The following MYO5A variants were observed in gnomAD, a reference collection of about 807,000 sequenced individuals.
MYO5A encodes the protein myosin VA.
Under a neutral mutation model 249.7 loss-of-function variants are expected in MYO5A, and 98 were observed. The observed-to-expected ratio is 0.39, with a 90% CI of 0.33 to 0.46. The LOEUF (loss-of-function observed/expected upper bound fraction) is 0.46. Ranked by LOEUF, MYO5A falls within the 20% of genes least tolerant of loss-of-function variation. The probability of loss-of-function intolerance (pLI) is 0.98; values close to 1 mark genes in which losing one functional copy is unlikely to be tolerated. For synonymous variants in MYO5A, 778 were observed against 810.6 expected, an observed-to-expected ratio of 0.96 and a Z score of 0.68; for missense variants, 1,696 against 2,308.8, an observed-to-expected ratio of 0.73 and a Z score of 5.44.
intron 14 of MYO5A, among the ~76,000 whole-genome samples, chr15:52,384,622 TTAA>T (rs1312811345): frequency 6.6e-6 from 1 of 152,190 alleles, no homozygotes; most frequent in African/African-American, 2.4e-5. Flanking sequence ...TCTAAACATA[TTAA>T]TGGGCTTGAA....
chr15:52,416,435 C>G (rs2043490845), intron 4 of MYO5A, 134 bp from the exon 5 acceptor site: 1 of 851,024 alleles, frequency 1.2e-6, no homozygotes, highest in Middle Eastern at 3.4e-4. Flanking sequence ...CTTATAACAC[C>G]AAGGTCTCAG....
intron 30 of MYO5A, among the ~76,000 whole-genome samples, chr15:52,343,950 C>A (rs1423564239): frequency 3.3e-5 from 5 of 152,148 alleles, no homozygotes; most frequent in Admixed American, 3.3e-4. Context: ...ATTCTTTCCA[C>A]ATGTACTAAT....
At chr15:52,458,416 CA>C (rs936030616) in intron 1 of MYO5A, among the ~76,000 whole-genome samples, 1 of 151,720 alleles carries the variant, frequency 6.6e-6, no homozygotes, top group African/African-American at 2.4e-5. Context: ...CCTGTCTCTA[CA>C]AAAAATACAA....
At chr15:52,505,370 C>T in intron 1 of MYO5A, 1 of 781,518 alleles carries the variant, frequency 1.3e-6, no homozygotes, top group Non-Finnish European at 2.4e-6. Flanking sequence ...CACATCAAGT[C>T]TTACGAAAAG....
intron 1 of MYO5A, among the ~76,000 whole-genome samples, chr15:52,482,216 C>G (rs182170847): frequency 1.3e-3 from 199 of 152,306 alleles, no homozygotes; most frequent in Non-Finnish European, 2.0e-3. Context: ...CTCTTTTCTC[C>G]TATAGGCCAT....
chr15:52,441,371 T>C (rs1315281383), intron 1 of MYO5A, among the ~76,000 whole-genome samples: 1 of 152,082 alleles, frequency 6.6e-6, no homozygotes, highest in Non-Finnish European at 1.5e-5. Flanking sequence ...AATGAAAGAA[T>C]GACGTAATGA....
At chr15:52,407,170 G>T in intron 8 of MYO5A, 122 bp downstream of exon 8, 1 of 740,070 alleles carries the variant, frequency 1.4e-6, no homozygotes, top group Non-Finnish European at 2.4e-6. Context: ...TGTTCTATGT[G>T]GAATATTAAA....
intron 9 of MYO5A, among the ~76,000 whole-genome samples, chr15:52,404,102 C>T (rs1226699539): frequency 6.6e-6 from 1 of 151,980 alleles, no homozygotes; most frequent in Non-Finnish European, 1.5e-5. Context: ...CCCATCTCTA[C>T]TAAAAATAAA....
At position 52,319,227 on chromosome 15, in the gene MYO5A, G is replaced by T; in HGVS notation, c.5067C>A (p.Ile1689=). ...ADEGTYTLDS[I]LRQLNSFHSV... is the part of the protein sequence containing the mutation. ...AGTGGAAGGAGTTGAGCTGCCGGAGGATGGAGTCCAGTGTGTAGGTGCCCT... is the reference window on the plus strand; with the variant it reads ...AGTGGAAGGAGTTGAGCTGCCGGAGTATGGAGTCCAGTGTGTAGGTGCCCT... The change falls in exon 39 of 42, where the codon ATC becomes ATA. Residue 1689 remains isoleucine (I), a synonymous_variant. Coordinates refer to ENST00000399233, the MANE Select transcript of MYO5A (RefSeq NM_001382347.1). 2 of 1,614,206 alleles carry T rather than the reference G, an allele frequency of 1.2e-6. No homozygotes were observed.
Position 52,321,397 on chromosome 15 carries a change from A to T in MYO5A, c.4913T>A (p.Leu1638His). The change falls in exon 38 of 42, where the codon CTC (leucine) becomes CAC (histidine). Residue 1638 changes from leucine (L) to histidine (H), a missense_variant. Around this residue, in one of 5 missense-constraint regions of MYO5A, gnomAD observed 625 missense variants for 908.1 expected, o/e 0.69. Coordinates refer to ENST00000399233, the MANE Select transcript of MYO5A (RefSeq NM_001382347.1). ...AAGGATGTTCTCTAACACCCGCACG[A>T]GCTGCTGGTAGATCTGAATGGCCAA... ...SDLAIQIYQQLVRVLENILQP... is the reference protein window; with the variant it reads ...SDLAIQIYQQHVRVLENILQP... The T allele has an allele frequency of 1.2e-6, 2 of 1,614,186 alleles. No homozygotes were observed. The highest frequency in any genetic ancestry group is 1.7e-6 in the Non-Finnish European group (2 of 1,180,044).
Position 52,340,291 on chromosome 15 carries a change from G to A in MYO5A, c.4144C>T (p.Gln1382Ter). The change falls in exon 32 of 42, where the codon CAG becomes TAG. Residue 1382 changes from glutamine (Q) to a stop codon, truncating the protein, a stop_gained. Coordinates refer to ENST00000399233, the MANE Select transcript of MYO5A (RefSeq NM_001382347.1). LOFTEE classifies it high-confidence loss of function. ...QSLKEENNRQ[Q>*]QLLAQNLQLP... ...TGCAGGTTCTGGGCCAGCAGCTGCT[G>A]CTGTCGGTTGTTCTCCTCCTTCAGG... 6.2e-7 allele frequency: 1 copy of A among 1,614,048 alleles called. No homozygotes were observed. Among genetic ancestry groups the A allele is most frequent in the Non-Finnish European group, 8.5e-7 (1 of 1,180,030 alleles).
At chr15:52,494,251 C>T (rs1272996725) in intron 1 of MYO5A, among the ~76,000 whole-genome samples, 1 of 152,138 alleles carries the variant, frequency 6.6e-6, no homozygotes, top group Non-Finnish European at 1.5e-5. Context: ...TTCACTAATC[C>T]ACCCATAATC....
chr15:52,354,438 G>A lies in MYO5A; in HGVS notation c.3424-424C>T, dbSNP rs114997005. ...TATATAAAAATATATGGAAAAAGAT[G>A]TTCATTGAAGCATTTTTTTTGTAAT... On this transcript the variant is annotated intron_variant, in intron 25 of 41. Coordinates refer to ENST00000399233, the MANE Select transcript of MYO5A (RefSeq NM_001382347.1). Among the ~76,000 whole-genome samples, 831 of 152,320 alleles carry A rather than the reference G, an allele frequency of 5.5e-3. 6 individuals are homozygous for A. Among genetic ancestry groups the A allele is most frequent in the African/African-American group, 0.019 (776 of 41,570 alleles).
chr15:52,379,108 C>T (rs1483104928), intron 18 of MYO5A, among the ~76,000 whole-genome samples: 1 of 152,190 alleles, frequency 6.6e-6, no homozygotes, highest in East Asian at 1.9e-4. Context: ...TTTTGCATAA[C>T]CTTACCCATT....
rs185533168 is a variant in MYO5A, at chr15:52,496,602, A to G, written c.27+32178T>C. Among the ~76,000 whole-genome samples, 9 of 152,350 alleles carry G rather than the reference A, an allele frequency of 5.9e-5. No individual in the cohort carries two copies. The East Asian group carries it at 1.7e-3, about 29-fold the overall frequency. On this transcript the variant is annotated intron_variant, in intron 1 of 41. Coordinates refer to ENST00000399233, the MANE Select transcript of MYO5A (RefSeq NM_001382347.1). ...ACAGGGATCTAGAGGAGCTTTGAAA[A>G]TATAACAAAAAGTAAGGGTTTATGA...
At chr15:52,515,758 A>G (rs1162220446) in intron 1 of MYO5A, among the ~76,000 whole-genome samples, 1 of 152,192 alleles carries the variant, frequency 6.6e-6, no homozygotes, top group African/African-American at 2.4e-5. Context: ...AAGAGCAAGC[A>G]GGCTGGAAAC....
intron 1 of MYO5A, among the ~76,000 whole-genome samples, chr15:52,478,962 T>C (rs532816945): frequency 7.2e-5 from 11 of 152,282 alleles, no homozygotes; most frequent in East Asian, 1.9e-4. Flanking sequence ...AACAGTGCCA[T>C]GTGCAGTCTA....
intron 5 of MYO5A, among the ~76,000 whole-genome samples, chr15:52,414,704 C>A (rs904272812): frequency 6.6e-6 from 1 of 152,120 alleles, no homozygotes. Context: ...TTTGTCATGA[C>A]CAAAACCAGT....
At chr15:52,523,680 T>A (rs952910371) in intron 1 of MYO5A, among the ~76,000 whole-genome samples, 7 of 152,124 alleles carry the variant, frequency 4.6e-5, no homozygotes, top group Non-Finnish European at 1.5e-5. Flanking sequence ...AGAATTGATA[T>A]AGAAGAAGTC....
Sources: gnomAD v4.1 joint callset for allele counts (sites outside exome capture counted in the v4.1 genomes callset) on GRCh38, gnomAD v4.1.1 for gene constraint, gnomAD v4.1.1 regional missense constraint, MANE v1.5 for transcripts, NCBI Gene and HGNC (gene_info 2026-07-23, HGNC 2026-07-21) for gene names.